The following MSL2 variants were observed in gnomAD, a reference collection of about 807,000 sequenced individuals.
MSL2 encodes E3 ubiquitin-protein ligase MSL2.
In MSL2, 2 loss-of-function variants were observed where a neutral mutation model predicts 35.8. The ratio of observed to expected loss-of-function variants is 0.06; its 90% CI spans 0.02 to 0.18. The LOEUF is 0.18. Ranked by LOEUF, MSL2 falls within the 10% of genes least tolerant of loss-of-function variation. The pLI, the probability that MSL2 is intolerant of heterozygous loss-of-function variation, is 1.00. For missense variants in MSL2, 523 were observed against 706.7 expected, an observed-to-expected ratio of 0.74 and a Z score of 2.95; for synonymous variants, 296 against 255.7, an observed-to-expected ratio of 1.16 and a Z score of -1.50.
chr3:136,165,429 T>A (rs1206339656), intron 1 of MSL2, among the ~76,000 whole-genome samples: 1 of 152,190 alleles, frequency 6.6e-6, no homozygotes, highest in East Asian at 1.9e-4. Flanking sequence ...TCCCTCTTCT[T>A]AACTGCTTTT....
At chr3:136,184,159 G>T (rs747639892) in intron 1 of MSL2, among the ~76,000 whole-genome samples, 5 of 152,042 alleles carry the variant, frequency 3.3e-5, no homozygotes, top group Non-Finnish European at 7.4e-5. Context: ...GCCGGGCGTT[G>T]ACGGTGGGCG....
chr3:136,155,905 T>G (rs1939505734), intron 1 of MSL2: 2 of 566,870 alleles, frequency 3.5e-6, no homozygotes, highest in Admixed American at 3.8e-5. Context: ...TTGTGATGGA[T>G]GAGCACCTCA....
Position 136,195,440 on chromosome 3 carries a change from C to A in MSL2, c.-327G>T. On this transcript the variant is annotated 5_prime_UTR_variant, in exon 1 of 2. Coordinates refer to ENST00000309993, the MANE Select transcript of MSL2 (RefSeq NM_018133.4). ...GCGGGACTCGGAGCTCAGTCTAGCC[C>A]CGCGGCTCGGCAGGCGGCCTGCACT... 9.5e-7 allele frequency: 1 copy of A among 1,055,290 alleles called. No individual in the cohort carries two copies. The highest frequency in any genetic ancestry group is 1.1e-6 in the Non-Finnish European group (1 of 874,448). The allele number at this position is 1,055,290 out of a possible 1,614,324, so 65.4% of individuals were successfully genotyped here.
At chr3:136,174,247 T>C (rs1940106485) in intron 1 of MSL2, among the ~76,000 whole-genome samples, 1 of 152,236 alleles carries the variant, frequency 6.6e-6, no homozygotes, top group African/African-American at 2.4e-5. Flanking sequence ...GGGAGTGACC[T>C]TGGTAATCAC....
At chr3:136,169,767 A>G (rs1325238103) in intron 1 of MSL2, among the ~76,000 whole-genome samples, 1 of 151,812 alleles carries the variant, frequency 6.6e-6, no homozygotes, top group Non-Finnish European at 1.5e-5. Flanking sequence ...CGTGTTTTGA[A>G]ATATACAATA....
Position 136,194,957 on chromosome 3 carries a change from T to A in MSL2, c.142+15A>T. The stretch of plus-strand genomic sequence containing the variant: ...AAAACAAGCATTGAAAAGGGAACAA[T>A]AAAAAGCGTCTCACCGCAAACACAG... On this transcript the variant is annotated intron_variant, in intron 1 of 1. Coordinates refer to ENST00000309993, the MANE Select transcript of MSL2 (RefSeq NM_018133.4). 6.2e-7 allele frequency: 1 copy of A among 1,613,088 alleles called. No individual in the cohort carries two copies. Among genetic ancestry groups the A allele is most frequent in the East Asian group, 2.2e-5 (1 of 44,860 alleles).
At chr3:136,185,148 G>T (rs1940482592) in intron 1 of MSL2, among the ~76,000 whole-genome samples, 1 of 151,856 alleles carries the variant, frequency 6.6e-6, no homozygotes, top group Non-Finnish European at 1.5e-5. Context: ...CTTATTTTTT[G>T]TATTTTTAAT....
intron 1 of MSL2, among the ~76,000 whole-genome samples, chr3:136,156,363 T>C (rs1195498978): frequency 6.6e-6 from 1 of 152,072 alleles, no homozygotes; most frequent in Non-Finnish European, 1.5e-5. Context: ...AGAGGGAGGT[T>C]GGAAAACATA....
intron 1 of MSL2, among the ~76,000 whole-genome samples, chr3:136,182,680 C>T (rs920896441): frequency 6.6e-6 from 1 of 150,852 alleles, no homozygotes; most frequent in Admixed American, 6.6e-5. Context: ...CGCACCACTG[C>T]ACTCCAGCCT....
rs1219884022 is a variant in MSL2, at chr3:136,150,966, G to A, written c.*181C>T. 1.9e-5 allele frequency: 12 copies of A among 641,650 alleles called. No individual in the cohort carries two copies. Among genetic ancestry groups the A allele is most frequent in the South Asian group, 1.4e-4 (7 of 48,884 alleles). The allele number at this position is 641,650 out of a possible 1,614,324, so 39.7% of individuals were successfully genotyped here. A position where few individuals can be genotyped will look rare whatever the true frequency, so the allele number is the denominator to read the frequency against. ...AGAACTAAGGACATATAGTTGTAGG[G>A]TTACTCCTCCATTATCTGCAAACTA... On this transcript the variant is annotated 3_prime_UTR_variant, in exon 2 of 2. Transcript: ENST00000309993.
chr3:136,180,808 G>GGGAGGGAGGGAA (rs1940331506), intron 1 of MSL2, among the ~76,000 whole-genome samples: 1 of 53,022 alleles, frequency 1.9e-5, no homozygotes, highest in African/African-American at 8.8e-5. Flanking sequence ...GAGGGAGGGA[G>GGGAGGGAGGGAA]GGAAGGAGGG....
intron 1 of MSL2, among the ~76,000 whole-genome samples, chr3:136,183,273 A>G (rs1186899096): frequency 6.6e-6 from 1 of 152,188 alleles, no homozygotes; most frequent in Non-Finnish European, 1.5e-5. Context: ...AATTTATATT[A>G]AGCCAAATGC....
intron 1 of MSL2, among the ~76,000 whole-genome samples, chr3:136,180,788 G>A (rs141544755): frequency 0.081 from 3,555 of 44,088 alleles, 150 homozygotes; most frequent in Middle Eastern, 0.11. Flanking sequence ...GAGGGAGGGA[G>A]GGAGGGAGGG....
intron 1 of MSL2, among the ~76,000 whole-genome samples, chr3:136,165,798 G>T (rs1450119850): frequency 6.6e-6 from 1 of 152,004 alleles, no homozygotes; most frequent in Non-Finnish European, 1.5e-5. Context: ...TAGAAAGAAT[G>T]AATAAGACCT....
intron 1 of MSL2, among the ~76,000 whole-genome samples, chr3:136,178,532 CTTTT>C (rs1180948007): frequency 3.0e-5 from 4 of 134,844 alleles, no homozygotes; most frequent in Non-Finnish European, 3.2e-5. Context: ...TTTACTGGCA[CTTTT>C]TTTTTTTTTT....
intron 1 of MSL2, among the ~76,000 whole-genome samples, chr3:136,154,172 A>C (rs961272618): frequency 6.6e-6 from 1 of 152,138 alleles, no homozygotes; most frequent in African/African-American, 2.4e-5. Context: ...TACTCAACTC[A>C]AATTCTTCTA....
chr3:136,195,592 T>A lies in MSL2; in HGVS notation c.-479A>T, dbSNP rs926924403. 7.1e-6 allele frequency: 7 copies of A among 986,952 alleles called. No individual in the cohort carries two copies. The highest frequency in any genetic ancestry group is 8.4e-6 in the Non-Finnish European group (7 of 831,146). The allele number at this position is 986,952 out of a possible 1,614,324, so 61.1% of individuals were successfully genotyped here. A position where few individuals can be genotyped will look rare whatever the true frequency, so the allele number is the denominator to read the frequency against. On this transcript the variant is annotated 5_prime_UTR_variant, in exon 1 of 2. Transcript: ENST00000309993. ...TGCAGGGCCTCTTACTCCATCCCAG[T>A]ACAGGGCGCGGAGGCGGCGGCGACG...
intron 1 of MSL2, among the ~76,000 whole-genome samples, chr3:136,162,779 T>C (rs1001534697): frequency 2.6e-5 from 4 of 152,176 alleles, no homozygotes; most frequent in African/African-American, 7.2e-5. Context: ...TTATATCAAA[T>C]TGGTGGTATA....
chr3:136,195,880 G>C lies in MSL2; in HGVS notation c.-767C>G. 1 of 936,062 alleles carries C rather than the reference G, an allele frequency of 1.1e-6. No individual in the cohort carries two copies. The highest frequency in any genetic ancestry group is 1.3e-6 in the Non-Finnish European group (1 of 785,936). 58.0% of individuals were successfully genotyped at this position (936,062 alleles called of 1,614,324 possible). ...CCGCCGGCGGGCGGGAGGGGGCGGG[G>C]GGCAAGCCCGGCCGGGCCGCGGCGG... is the stretch of plus-strand genomic sequence containing the variant. On this transcript the variant is annotated 5_prime_UTR_variant, in exon 1 of 2. Coordinates refer to ENST00000309993, the MANE Select transcript of MSL2 (RefSeq NM_018133.4).
Sources: gnomAD v4.1 joint callset for allele counts (sites outside exome capture counted in the v4.1 genomes callset) on GRCh38, gnomAD v4.1.1 for gene constraint, MANE v1.5 for transcripts, NCBI Gene and HGNC (gene_info 2026-07-23, HGNC 2026-07-21) for gene names.